Variants in CNBD2 observed in about 807,000 individuals in gnomAD.
The protein encoded by CNBD2 is cyclic nucleotide binding domain containing 2.
Under a neutral mutation model 63.7 loss-of-function variants are expected in CNBD2, and 64 were observed. That is an observed-to-expected ratio of 1.00 (90% confidence interval 0.82 to 1.24). The LOEUF is 1.24. Ranked by LOEUF, CNBD2 falls within the 50% of genes most tolerant of loss-of-function variation. The pLI, the probability that CNBD2 is intolerant of heterozygous loss-of-function variation, is 0.00. For synonymous variants in CNBD2, 229 were observed against 255.4 expected (o/e 0.90, Z 0.99); for missense variants, 691 against 713.5 (o/e 0.97, Z 0.36).
chr20:35,981,553 G>A (rs910201556), intron 4 of CNBD2, among the ~76,000 whole-genome samples: 3 of 151,756 alleles, frequency 2.0e-5, no homozygotes, highest in Non-Finnish European at 2.9e-5. Context: ...CTTCCACCTC[G>A]GCCTCCTTTG....
At chr20:35,964,760 T>G (rs749727353), upstream of CNBD2, among the ~76,000 whole-genome samples, 50 of 151,536 alleles carry the variant, frequency 3.3e-4, no homozygotes, top group Non-Finnish European at 6.3e-4. Context: ...TGGAGTGCAG[T>G]GCCATGATCT....
intron 8 of CNBD2, among the ~76,000 whole-genome samples, chr20:36,001,220 G>C (rs1351980853): frequency 7.0e-4 from 107 of 152,042 alleles, no homozygotes; most frequent in African/African-American, 2.4e-3. Flanking sequence ...AACCGCCATT[G>C]TCATCATGGC....
At chr20:35,975,291 G>A (rs1253797753) in intron 2 of CNBD2, among the ~76,000 whole-genome samples, 1 of 125,074 alleles carries the variant, frequency 8.0e-6, no homozygotes, top group African/African-American at 3.2e-5. Flanking sequence ...GTGAGCCACC[G>A]CGCCCGGCCT....
intron 8 of CNBD2, among the ~76,000 whole-genome samples, chr20:36,006,681 C>T (rs1298772691): frequency 6.6e-6 from 1 of 152,150 alleles, no homozygotes; most frequent in Non-Finnish European, 1.5e-5. Context: ...CCTTCCAAAG[C>T]GTGGGATTAC....
At chr20:35,998,906 A>C (rs973137215) in intron 8 of CNBD2, among the ~76,000 whole-genome samples, 3 of 149,790 alleles carry the variant, frequency 2.0e-5, no homozygotes, top group Non-Finnish European at 4.4e-5. Flanking sequence ...AAAAATTCTT[A>C]ATAGAGTTGT....
At chr20:35,960,465 G>C (rs750391099) in intron 2 of CNBD2, among the ~76,000 whole-genome samples, 1 of 152,214 alleles carries the variant, frequency 6.6e-6, no homozygotes, top group Non-Finnish European at 1.5e-5. Context: ...TCAGCTTTGT[G>C]AGTAGCTGGG....
intron 2 of CNBD2, chr20:35,974,998 TTTTTTTTTA>T (rs1241966054): frequency 3.4e-5 from 5 of 148,716 alleles, no homozygotes; most frequent in Admixed American, 6.7e-5. Context: ...ATTTTTTTTA[TTTTTTTTTA>T]TTTTTTTTTT....
At chr20:36,023,854 A>G (rs2057251884) in intron 11 of CNBD2, 83 bp downstream of exon 11, 1 of 1,236,410 alleles carries the variant, frequency 8.1e-7, no homozygotes, top group Non-Finnish European at 1.1e-6. Flanking sequence ...AAGGAAAAAT[A>G]TAATACCTGT....
At chr20:36,013,499 C>T (rs1281391564) in intron 10 of CNBD2, among the ~76,000 whole-genome samples, 1 of 152,100 alleles carries the variant, frequency 6.6e-6, no homozygotes, top group Non-Finnish European at 1.5e-5. Context: ...ATAATCTAAC[C>T]ATTATAAATG....
At chr20:36,000,452 C>T (rs2056880870) in intron 8 of CNBD2, among the ~76,000 whole-genome samples, 1 of 152,078 alleles carries the variant, frequency 6.6e-6, no homozygotes, top group Admixed American at 6.5e-5. Context: ...TCTCGGCTCA[C>T]TGCAACCTCT....
downstream of CNBD2, chr20:35,957,692 T>G (rs550872604): frequency 1.1e-4 from 17 of 152,282 alleles, no homozygotes; most frequent in African/African-American, 3.8e-4. Flanking sequence ...AAAATATACA[T>G]TTATATTTCA....
intron 7 of CNBD2, among the ~76,000 whole-genome samples, chr20:35,993,382 A>G (rs2056775328): frequency 6.6e-6 from 1 of 152,236 alleles, no homozygotes; most frequent in Middle Eastern, 3.2e-3. Context: ...TGAACTTCAT[A>G]TAAATGGAAT....
intron 10 of CNBD2, among the ~76,000 whole-genome samples, chr20:36,016,432 G>A (rs2057133563): frequency 6.6e-6 from 1 of 152,070 alleles, no homozygotes; most frequent in African/African-American, 2.4e-5. Flanking sequence ...CTGGATGTGG[G>A]GTATATGGGG....
intron 2 of CNBD2, 64 bp downstream of exon 2, chr20:35,972,830 T>TC: frequency 6.6e-7 from 1 of 1,523,054 alleles, no homozygotes; most frequent in Non-Finnish European, 9.1e-7. Flanking sequence ...GCATCCCACT[T>TC]CCTGGCCTAA....
chr20:35,976,551 C>T (rs1177265839), intron 3 of CNBD2, among the ~76,000 whole-genome samples: 1 of 152,162 alleles, frequency 6.6e-6, no homozygotes, highest in African/African-American at 2.4e-5. Context: ...GGTCGTATCA[C>T]TGCATTCCAG....
chr20:35,974,985 T>G (rs2056480189), intron 2 of CNBD2: 1 of 151,076 alleles, frequency 6.6e-6, no homozygotes, highest in Admixed American at 6.6e-5. Context: ...CTTTCTTTTT[T>G]TTATTTTTTT....
rs1164399564 is a variant in CNBD2 at position 35,987,496 on chromosome 20, A to G, written c.818A>G (p.Asp273Gly). 6.2e-7 allele frequency: 1 copy of G among 1,614,008 alleles called. No homozygotes were observed. The highest frequency in any genetic ancestry group is 1.3e-5 in the African/African-American group (1 of 74,898). ...TCGTATGGGCAGCTGATCTCAAAAGATTTTGGAGAGTCACCCTTCATCATG... is the reference window on the plus strand; with the variant it reads ...TCGTATGGGCAGCTGATCTCAAAAGGTTTTGGAGAGTCACCCTTCATCATG... Reference protein sequence around the residue: ...RFSYGQLISKDFGESPFIMFI... With the variant: ...RFSYGQLISKGFGESPFIMFI... The change falls in exon 7 of 12, where the codon GAT becomes GGT. Residue 273 changes from aspartate to glycine, a missense_variant. By Grantham distance (94) the Asp-to-Gly change is moderately conservative (BLOSUM62 -1). Transcript: ENST00000373973.
chr20:35,968,934 T>C (rs1181213064), intron 1 of CNBD2, 121 bp downstream of exon 1: 3 of 719,066 alleles, frequency 4.2e-6, no homozygotes, highest in Non-Finnish European at 7.1e-6. Context: ...CTGTACCTTT[T>C]GGAGTCACAG....
intron 11 of CNBD2, among the ~76,000 whole-genome samples, chr20:36,024,707 TTA>T (rs1462104812): frequency 6.6e-6 from 1 of 151,900 alleles, no homozygotes; most frequent in African/African-American, 2.4e-5. Flanking sequence ...GGCAGGTGGA[TTA>T]CCTGAGGTCA....
Sources: allele counts gnomAD v4.1 joint callset (sites outside exome capture counted in the v4.1 genomes callset), GRCh38; gene constraint gnomAD v4.1.1; transcripts MANE v1.5; gene names NCBI Gene and HGNC (gene_info 2026-07-23, HGNC 2026-07-21).